The following AKT1S1 variants were observed in gnomAD, a reference collection of about 807,000 sequenced individuals.
The protein encoded by AKT1S1 is proline-rich AKT1 substrate 1.
A neutral mutation model predicts 21.2 loss-of-function variants in AKT1S1; 17 were observed. That is an observed-to-expected ratio of 0.80 (90% CI 0.55 to 1.20). AKT1S1 has a LOEUF of 1.20. Ranked by LOEUF, AKT1S1 falls within the 50% of genes most tolerant of loss-of-function variation. The pLI, the probability that AKT1S1 is intolerant of heterozygous loss-of-function variation, is 0.00. For missense variants in AKT1S1, 366 were observed against 368.3 expected, an observed-to-expected ratio of 0.99 and a Z score of 0.05; for synonymous variants, 181 against 165.6, an observed-to-expected ratio of 1.09 and a Z score of -0.72.
intron 1 of AKT1S1, among the ~76,000 whole-genome samples, chr19:49,876,440 C>T (rs549718983): frequency 6.6e-6 from 1 of 152,334 alleles, no homozygotes; most frequent in East Asian, 1.9e-4. Context: ...TTCCCACGGG[C>T]GACCCCCTTC....
chr19:49,869,993 T>A lies in AKT1S1; in HGVS notation c.695A>T (p.Asp232Val), dbSNP rs1274133967. Reference protein sequence around the residue: ...MRALVLREAEDTQVFGDLPRP... With the variant: ...MRALVLREAEVTQVFGDLPRP... ...TGGCAGGTCCCCGAAGACCTGGGTG[T>A]CCTCGGCCTCTCGCAGCACCAGCGC... The change falls in exon 5 of 5, where the codon GAC (aspartate) becomes GTC (valine). Residue 232 changes from aspartate to valine, a missense_variant. Asp to Val is a radical substitution (Grantham distance 152). Coordinates refer to ENST00000344175, the MANE Select transcript of AKT1S1 (RefSeq NM_001098633.4). 3 of 1,546,918 alleles carry A rather than the reference T, an allele frequency of 1.9e-6. No homozygotes were observed. Among genetic ancestry groups the A allele is most frequent in the Non-Finnish European group, 2.6e-6 (3 of 1,143,664 alleles).
rs149367630 is a variant in AKT1S1 at position 49,872,980 on chromosome 19, C to G, written c.316G>C (p.Asp106His). The G allele has an allele frequency of 2.3e-3, 3,648 of 1,599,348 alleles. 10 individuals carry two copies. The highest frequency in any genetic ancestry group is 3.6e-3 in the Admixed American group (210 of 58,560). ...PTLAREDNEE[D>H]EDEPTETETS... ...TCTGTCTCTGTGGGCTCATCCTCGT[C>G]CTCCTCGTTGTCCTCTCTGGCCAGG... The change falls in exon 2 of 5, where the codon GAC becomes CAC. Residue 106 changes from aspartate (D) to histidine (H), a missense_variant. Physicochemically the swap from Asp to His is moderately conservative, Grantham distance 81 (BLOSUM62 -1). Transcript: ENST00000344175.
rs1362128563 is a variant in AKT1S1, at chr19:49,869,297, G to A, written c.*620C>T. ...GGAACCAATGAAAGGGGGTGCCAGA[G>A]GCAGGGACAGTTTGGGGCCATCCCT... On this transcript the variant is annotated 3_prime_UTR_variant, in exon 5 of 5. Transcript: ENST00000344175. The A allele has an allele frequency of 2.0e-5, 3 of 152,796 alleles. No individual in the cohort carries two copies. Among genetic ancestry groups the A allele is most frequent in the South Asian group, 2.0e-4 (1 of 4,912 alleles). The allele number at this position is 152,796 out of a possible 1,614,324, so 9.5% of individuals were successfully genotyped here. A position where few individuals can be genotyped will look rare whatever the true frequency, so the allele number is the denominator to read the frequency against.
chr19:49,873,104 G>C lies in AKT1S1; in HGVS notation c.192C>G (p.Asp64Glu), dbSNP rs948625349. The C allele has an allele frequency of 1.3e-6, 2 of 1,547,478 alleles. No individual in the cohort carries two copies. The highest frequency in any genetic ancestry group is 1.7e-6 in the Non-Finnish European group (2 of 1,149,590). Residue 64 changes from aspartate (D) to glutamate (E), a missense_variant, in exon 2 of 5, where the codon GAC (aspartate) becomes GAG (glutamate). Coordinates refer to ENST00000344175, the MANE Select transcript of AKT1S1 (RefSeq NM_001098633.4). This position sits in a 1 kb window ranked among gnomAD's most constrained non-coding sequence, Gnocchi z 6.9. ...TGGCAGCCCTGTGGGCCAGTGCGATGTCGTGGAGGCAACGGCGCGCTGCCT... is the reference window on the plus strand; with the variant it reads ...TGGCAGCCCTGTGGGCCAGTGCGATCTCGTGGAGGCAACGGCGCGCTGCCT... ...LAEAARRCLH[D>E]IALAHRAATA...
At chr19:49,877,560 A>G, upstream of AKT1S1, 1 of 653,636 alleles carries the variant, frequency 1.5e-6, no homozygotes, top group Non-Finnish European at 2.5e-6. Flanking sequence ...TCGAGGTTCC[A>G]GTGGAATAAC....
chr19:49,876,702 G>T, intron 1 of AKT1S1: 1 of 1,435,592 alleles, frequency 7.0e-7, no homozygotes, highest in Non-Finnish European at 9.2e-7. Context: ...CCTCCTCTCC[G>T]CACACTCCGC....
chr19:49,870,067 G>C lies in AKT1S1; in HGVS notation c.628-7C>G, dbSNP rs756394126. On this transcript the variant is annotated splice_region_variant and splice_polypyrimidine_tract_variant and intron_variant, in intron 4 of 4. Coordinates refer to ENST00000344175, the MANE Select transcript of AKT1S1 (RefSeq NM_001098633.4). Reference sequence around the variant, plus strand: ...CCAGGTCGGGCGAAGAGGGCTGCGGGGACGGCGACGGGGCGAGGTCAGCGC... The same window carrying C: ...CCAGGTCGGGCGAAGAGGGCTGCGGCGACGGCGACGGGGCGAGGTCAGCGC... 6.6e-7 allele frequency: 1 copy of C among 1,517,928 alleles called. No homozygotes were observed. The highest frequency in any genetic ancestry group is 8.9e-7 in the Non-Finnish European group (1 of 1,129,180). The allele number at this position is 1,517,928 out of a possible 1,614,324, so 94.0% of individuals were successfully genotyped here.
chr19:49,876,537 C>A, intron 1 of AKT1S1: 1 of 1,461,282 alleles, frequency 6.8e-7, no homozygotes, highest in Non-Finnish European at 9.1e-7. Context: ...GCCCTCCCAG[C>A]GCCCCGCTGC....
At chr19:49,878,047 C>T (rs2074973847), upstream of AKT1S1, 2 of 1,043,382 alleles carry the variant, frequency 1.9e-6, no homozygotes, top group Non-Finnish European at 2.8e-6. Context: ...CGGCCCCGCC[C>T]CCTGAGGGTG....
At chr19:49,876,229 T>G in intron 1 of AKT1S1, 1 of 1,062,776 alleles carries the variant, frequency 9.4e-7, no homozygotes, top group African/African-American at 1.7e-5. Context: ...GACCCACTGG[T>G]CTAGGAAGAA....
intron 1 of AKT1S1, chr19:49,874,840 G>A (rs1293325543): frequency 6.6e-6 from 1 of 152,278 alleles, no homozygotes; most frequent in Non-Finnish European, 1.5e-5. Flanking sequence ...AGCCCACCAG[G>A]GTGAAGGGAG....
At chr19:49,876,009 G>A (rs2074937311) in intron 1 of AKT1S1, 1 of 985,362 alleles carries the variant, frequency 1.0e-6, no homozygotes, top group Non-Finnish European at 1.2e-6. Flanking sequence ...ACAGGAGGGG[G>A]AGCACGATGT....
intron 1 of AKT1S1, chr19:49,876,361 A>C: frequency 2.6e-5 from 31 of 1,176,154 alleles, no homozygotes; most frequent in East Asian, 1.7e-4. Flanking sequence ...CGGCCCAGGT[A>C]GAGATCCCAG....
rs2074862855 is a variant in AKT1S1 at position 49,869,851 on chromosome 19, G to A, written c.*66C>T. On this transcript the variant is annotated 3_prime_UTR_variant, in exon 5 of 5. Coordinates refer to ENST00000344175, the MANE Select transcript of AKT1S1 (RefSeq NM_001098633.4). ...GATCGGCCTCAGATTAGCAGGCCCCGGGAGTGGGGCGGGGGCGTAGTGTGG... is the reference window on the plus strand; with the variant it reads ...GATCGGCCTCAGATTAGCAGGCCCCAGGAGTGGGGCGGGGGCGTAGTGTGG... 3 of 1,365,562 alleles carry A rather than the reference G, an allele frequency of 2.2e-6. No individual in the cohort carries two copies. Among genetic ancestry groups the A allele is most frequent in the African/African-American group, 1.5e-5 (1 of 66,324 alleles). The allele number at this position is 1,365,562 out of a possible 1,614,324, so 84.6% of individuals were successfully genotyped here.
chr19:49,874,525 A>C (rs1380784188), intron 1 of AKT1S1: 1 of 152,312 alleles, frequency 6.6e-6, no homozygotes, highest in East Asian at 1.9e-4. Context: ...TGCCTCCTGC[A>C]TCAGACTGTG....
chr19:49,874,205 T>C (rs900235234), intron 1 of AKT1S1: 1 of 152,458 alleles, frequency 6.6e-6, no homozygotes, highest in East Asian at 1.9e-4. Context: ...CCCTCGCCCA[T>C]AGATCCAGCC....
At chr19:49,877,913 TCCCATGGCCCCGCCC>T (rs1437025529), upstream of AKT1S1, 1 of 854,688 alleles carries the variant, frequency 1.2e-6, no homozygotes, top group African/African-American at 1.7e-5. Flanking sequence ...GGGAAGAACC[TCCCATGGCCCCGCCC>T]CCCCGGCTCA....
Position 49,870,044 on chromosome 19 carries a change from A to G in AKT1S1, c.644T>C (p.Leu215Pro), listed in dbSNP as rs752116376. ...EENGPPSSPD[L>P]DRIAASMRAL... ...GCGCATGCTCGCCGCGATGCGGTCC[A>G]GGTCGGGCGAAGAGGGCTGCGGGGA... The change falls in exon 5 of 5, where the codon CTG (leucine) becomes CCG (proline). Residue 215 changes from leucine to proline, a missense_variant. Physicochemically the swap from Leu to Pro is moderately conservative, Grantham distance 98. Transcript: ENST00000344175. 3 of 1,548,882 alleles carry G rather than the reference A, an allele frequency of 1.9e-6. No homozygotes were observed. Among genetic ancestry groups the G allele is most frequent in the African/African-American group, 2.8e-5 (2 of 71,842 alleles).
intron 1 of AKT1S1, chr19:49,875,225 C>T (rs949607765): frequency 6.6e-6 from 1 of 152,216 alleles, no homozygotes; most frequent in Non-Finnish European, 1.5e-5. Flanking sequence ...AGATCCGGGG[C>T]CTGTTCTAAA....
Sources: gnomAD v4.1 joint callset for allele counts (sites outside exome capture counted in the v4.1 genomes callset) on GRCh38, gnomAD v4.1.1 for gene constraint, Gnocchi (gnomAD v3.1) non-coding constraint, MANE v1.5 for transcripts, NCBI Gene and HGNC (gene_info 2026-07-23, HGNC 2026-07-21) for gene names.